TFAP2E: variants seen among roughly 807,000 people sequenced by gnomAD.
TFAP2E encodes the protein transcription factor AP-2 epsilon.
In TFAP2E, 30 loss-of-function variants were observed where a neutral mutation model predicts 37.9. The observed-to-expected ratio is 0.79, with a 90% CI of 0.59 to 1.07. The LOEUF (loss-of-function observed/expected upper bound fraction) is 1.07. Among genes scored for constraint, TFAP2E ranks in the 50% least tolerant of loss-of-function variants. The pLI is 0.00. For synonymous variants in TFAP2E, 318 were observed against 295.8 expected, an observed-to-expected ratio of 1.08 and a Z score of -0.77; for missense variants, 567 against 637.9, an observed-to-expected ratio of 0.89 and a Z score of 1.20.
chr1:35,577,207 G>A lies in TFAP2E; in HGVS notation c.562+2207G>A, dbSNP rs987643291. 6 of 365,562 alleles carry A rather than the reference G, an allele frequency of 1.6e-5. No individual in the cohort carries two copies. The highest frequency in any genetic ancestry group is 3.3e-5 in the Non-Finnish European group (6 of 183,020). 22.6% of individuals were successfully genotyped at this position (365,562 alleles called of 1,614,324 possible). ...AGTTGGATCCGGAGGTCGTGACCCA[G>A]GGGAAAGCGTGGGCGGTCGACCCAG... On this transcript the variant is annotated intron_variant, in intron 3 of 6. Transcript: ENST00000373235. This position sits in a 1 kb window ranked among gnomAD's most constrained non-coding sequence, Gnocchi z 6.3.
At chr1:35,580,596 T>TA (rs924459081) in intron 3 of TFAP2E, among the ~76,000 whole-genome samples, 3 of 151,704 alleles carry the variant, frequency 2.0e-5, no homozygotes, top group Admixed American at 1.3e-4. Flanking sequence ...CCATCTCTAC[T>TA]AAAAAAACAA....
At position 35,573,827 on chromosome 1, in the gene TFAP2E, G is replaced by T; in HGVS notation, c.28-100G>T. The T allele has an allele frequency of 1.4e-6, 2 of 1,385,126 alleles. No homozygotes were observed. The highest frequency in any genetic ancestry group is 1.9e-6 in the Non-Finnish European group (2 of 1,070,414). 85.8% of individuals were successfully genotyped at this position (1,385,126 alleles called of 1,614,324 possible). On this transcript the variant is annotated intron_variant, in intron 1 of 6. Coordinates refer to ENST00000373235, the MANE Select transcript of TFAP2E (RefSeq NM_178548.4). The surrounding 1 kb of genome is among the most constrained non-coding windows in gnomAD (Gnocchi z 5.9). Reference sequence around the variant, plus strand: ...AAACCTCGGGCCCCAAGAAACGGGAGGGACTGCAGCTGAACCCTCCCGAGC... The same window carrying T: ...AAACCTCGGGCCCCAAGAAACGGGATGGACTGCAGCTGAACCCTCCCGAGC...
At chr1:35,578,428 G>GAA (rs58170344) in intron 3 of TFAP2E, among the ~76,000 whole-genome samples, 24 of 132,288 alleles carry the variant, frequency 1.8e-4, no homozygotes, top group African/African-American at 4.1e-4. Context: ...CTCCGTCTCG[G>GAA]AAAAAAAAAA....
intron 3 of TFAP2E, among the ~76,000 whole-genome samples, chr1:35,583,404 A>C (rs1250841078): frequency 6.6e-6 from 1 of 152,038 alleles, no homozygotes; most frequent in Non-Finnish European, 1.5e-5. Context: ...TTGCCTTCCA[A>C]AGTGGTAGGA....
At chr1:35,591,771 C>T (rs1277974554) in intron 6 of TFAP2E, among the ~76,000 whole-genome samples, 1 of 152,206 alleles carries the variant, frequency 6.6e-6, no homozygotes. Context: ...ACTGCAACCT[C>T]CACCTCCTGG....
chr1:35,590,784 G>C lies in TFAP2E; in HGVS notation c.1046+9G>C, dbSNP rs752954001. 2 of 1,428,872 alleles carry C rather than the reference G, an allele frequency of 1.4e-6. No individual in the cohort carries two copies. 88.5% of individuals were successfully genotyped at this position (1,428,872 alleles called of 1,614,324 possible). On this transcript the variant is annotated intron_variant, in intron 6 of 6. Transcript: ENST00000373235. The surrounding 1 kb of genome is among the most constrained non-coding windows in gnomAD (Gnocchi z 6.2). ...ATGCTGCTGGCTGCCAAGTGAGTGA[G>C]GGCACCCTGCACAGGCACACGTGGG... is the stretch of plus-strand genomic sequence containing the variant.
rs958844021 is a variant in TFAP2E, at chr1:35,590,157, G to A, written c.904+109G>A. 14 of 1,009,562 alleles carry A rather than the reference G, an allele frequency of 1.4e-5. No homozygotes were observed. Among genetic ancestry groups the A allele is most frequent in the Admixed American group, 1.3e-4 (7 of 51,934 alleles). 62.5% of individuals were successfully genotyped at this position (1,009,562 alleles called of 1,614,324 possible). Reference sequence around the variant, plus strand: ...TGTGTTTAGTGGTGTGTGTGTATCCGTGTAAGTGTTGCAGTATCTGTGTGC... The same window carrying A: ...TGTGTTTAGTGGTGTGTGTGTATCCATGTAAGTGTTGCAGTATCTGTGTGC... On this transcript the variant is annotated intron_variant, in intron 5 of 6. Coordinates refer to ENST00000373235, the MANE Select transcript of TFAP2E (RefSeq NM_178548.4). The surrounding 1 kb of genome is among the most constrained non-coding windows in gnomAD (Gnocchi z 6.2).
In TFAP2E at chr1:35,594,446, G is replaced by C; in HGVS notation, c.1099G>C (p.Gly367Arg). ...DLMAQDRSPL[G>R]NSRPALILEP... ...GATGGCTCAGGACCGCTCACCGCTG[G>C]GCAACAGCCGCCCAGCACTCATCCT... The change falls in exon 7 of 7, where the codon GGC (glycine) becomes CGC (arginine). Residue 367 changes from glycine (G) to arginine (R), a missense_variant. Coordinates refer to ENST00000373235, the MANE Select transcript of TFAP2E (RefSeq NM_178548.4). 8.1e-6 allele frequency: 13 copies of C among 1,614,142 alleles called. No individual in the cohort carries two copies. The highest frequency in any genetic ancestry group is 1.0e-5 in the Non-Finnish European group (12 of 1,180,032).
intron 6 of TFAP2E, among the ~76,000 whole-genome samples, chr1:35,592,996 G>A (rs1439390397): frequency 6.6e-6 from 1 of 152,088 alleles, no homozygotes; most frequent in Non-Finnish European, 1.5e-5. Context: ...TCACACCATA[G>A]CAGTCCCACT....
At chr1:35,586,677 A>G (rs1055526656) in intron 3 of TFAP2E, among the ~76,000 whole-genome samples, 4 of 151,976 alleles carry the variant, frequency 2.6e-5, no homozygotes, top group African/African-American at 9.7e-5. Flanking sequence ...GTGGTGATGG[A>G]TGGGGTGTGG....
At chr1:35,578,385 G>T (rs1649243912) in intron 3 of TFAP2E, among the ~76,000 whole-genome samples, 1 of 150,664 alleles carries the variant, frequency 6.6e-6, no homozygotes, top group Non-Finnish European at 1.5e-5. Context: ...CCAAGATCGC[G>T]CCACTGCACT....
At chr1:35,575,762 T>C (rs1649151150) in intron 3 of TFAP2E, among the ~76,000 whole-genome samples, 1 of 152,244 alleles carries the variant, frequency 6.6e-6, no homozygotes, top group Admixed American at 6.5e-5. Context: ...GTATCTCTGT[T>C]GTGTCCTGCA....
chr1:35,574,700 T>C, intron 2 of TFAP2E: 3 of 637,648 alleles, frequency 4.7e-6, no homozygotes, highest in Non-Finnish European at 8.1e-6. Context: ...AGCCTGCACC[T>C]GGGGCGAAGA....
At position 35,590,920 on chromosome 1, in the gene TFAP2E, A is replaced by G. The variant is rs1649647800; in HGVS notation, c.1046+145A>G. On this transcript the variant is annotated intron_variant, in intron 6 of 6. Transcript: ENST00000373235. The surrounding 1 kb of genome is among the most constrained non-coding windows in gnomAD (Gnocchi z 6.2). ...CACTGTGTACACGAGCAGTGGGCAC[A>G]CACACATACGTGCGCACCACTGTGT... The G allele has an allele frequency of 3.1e-6, 3 of 981,528 alleles. No homozygotes were observed. The highest frequency in any genetic ancestry group is 4.0e-6 in the Non-Finnish European group (3 of 744,384). 60.8% of individuals were successfully genotyped at this position (981,528 alleles called of 1,614,324 possible).
intron 3 of TFAP2E, 36 bp downstream of exon 3, chr1:35,575,036 A>G: frequency 6.2e-7 from 1 of 1,613,270 alleles, no homozygotes; most frequent in Non-Finnish European, 8.5e-7. Context: ...GCCCGGCGAG[A>G]TGGTGCAGGC....
chr1:35,586,502 C>T (rs1649484969), intron 3 of TFAP2E, among the ~76,000 whole-genome samples: 1 of 152,008 alleles, frequency 6.6e-6, no homozygotes. Context: ...GGCAGGGTGA[C>T]CAGAGCAAGG....
In TFAP2E at chr1:35,590,075, G is replaced by A; in HGVS notation, c.904+27G>A. ...TGAGTGAGGCCTGAAGGTGGGCATG[G>A]GAGTGGATGTGAGGGCAAGTGAGTT... is the stretch of plus-strand genomic sequence containing the variant. On this transcript the variant is annotated intron_variant, in intron 5 of 6. Coordinates refer to ENST00000373235, the MANE Select transcript of TFAP2E (RefSeq NM_178548.4). This position sits in a 1 kb window ranked among gnomAD's most constrained non-coding sequence, Gnocchi z 6.2. 1.9e-6 allele frequency: 3 copies of A among 1,608,874 alleles called. No individual in the cohort carries two copies. The highest frequency in any genetic ancestry group is 2.6e-6 in the Non-Finnish European group (3 of 1,175,636).
intron 6 of TFAP2E, 28 bp from the exon 7 acceptor site, chr1:35,594,366 C>A (rs776072416): frequency 6.2e-7 from 1 of 1,602,924 alleles, no homozygotes; most frequent in Non-Finnish European, 8.5e-7. Flanking sequence ...TTTTGTCCTC[C>A]AACCTCTGAC....
At chr1:35,592,301 G>A (rs1268871584) in intron 6 of TFAP2E, among the ~76,000 whole-genome samples, 4 of 150,648 alleles carry the variant, frequency 2.7e-5, no homozygotes, top group Admixed American at 6.6e-5. Context: ...AAAAAAAGGC[G>A]AAAGATTTAG....
Sources: allele counts gnomAD v4.1 joint callset (sites outside exome capture counted in the v4.1 genomes callset), GRCh38; gene constraint gnomAD v4.1.1; non-coding constraint Gnocchi (gnomAD v3.1); transcripts MANE v1.5; gene names NCBI Gene and HGNC (gene_info 2026-07-23, HGNC 2026-07-21).